GAS7: variants seen among roughly 807,000 people sequenced by gnomAD.
The protein encoded by GAS7 is growth arrest-specific protein 7.
In GAS7, 28 loss-of-function variants were observed where a neutral mutation model predicts 71.1. That is an observed-to-expected ratio of 0.39 (90% CI 0.29 to 0.54). The LOEUF is 0.54. Among genes scored for constraint, GAS7 ranks in the 20% least tolerant of loss-of-function variants. The pLI is 0.62. For synonymous variants in GAS7, 258 were observed against 245.8 expected (o/e 1.05, Z -0.46); for missense variants, 436 against 627.8 (o/e 0.69, Z 3.27).
intron 2 of GAS7, among the ~76,000 whole-genome samples, chr17:10,009,318 C>CAA (rs541133967): frequency 0.068 from 5,365 of 78,482 alleles, 604 homozygotes; most frequent in African/African-American, 0.23. Context: ...GAGACTCCGT[C>CAA]AAAAAAAAAA....
chr17:10,185,698 C>T (rs1489819420), intron 1 of GAS7, among the ~76,000 whole-genome samples: 1 of 152,120 alleles, frequency 6.6e-6, no homozygotes, highest in Non-Finnish European at 1.5e-5. Flanking sequence ...TGTGGGACTG[C>T]GCTCTCAGCC....
intron 2 of GAS7, among the ~76,000 whole-genome samples, chr17:10,012,319 G>A (rs1282489846): frequency 1.8e-4 from 28 of 152,258 alleles, no homozygotes; most frequent in Non-Finnish European, 4.4e-5. Context: ...ACAGTGGCTT[G>A]CTCTGTCACC....
intron 1 of GAS7, among the ~76,000 whole-genome samples, chr17:10,163,872 G>A (rs989208449): frequency 3.9e-5 from 6 of 152,212 alleles, no homozygotes; most frequent in African/African-American, 1.4e-4. Context: ...CAAATTCAAA[G>A]CACTTTGCTC....
intron 1 of GAS7, among the ~76,000 whole-genome samples, chr17:10,164,686 T>C (rs1465310341): frequency 2.1e-5 from 3 of 143,888 alleles, no homozygotes; most frequent in African/African-American, 5.2e-5. Context: ...TCTTTAAAAA[T>C]GAAAAAAAAA....
intron 1 of GAS7, among the ~76,000 whole-genome samples, chr17:10,124,700 C>T (rs1397010826): frequency 4.6e-5 from 7 of 152,124 alleles, no homozygotes; most frequent in East Asian, 3.9e-4. Flanking sequence ...ATGTGGATCA[C>T]CTAAGGTCGG....
chr17:9,946,036 T>C (rs545347738), intron 6 of GAS7, among the ~76,000 whole-genome samples: 1 of 152,314 alleles, frequency 6.6e-6, no homozygotes, highest in Admixed American at 6.5e-5. Flanking sequence ...ACTTATTTAT[T>C]GTTCCTTGGA....
At chr17:10,077,793 G>T (rs2073411345) in intron 1 of GAS7, among the ~76,000 whole-genome samples, 1 of 152,146 alleles carries the variant, frequency 6.6e-6, no homozygotes, top group Admixed American at 6.6e-5. Context: ...CTACTGCAGG[G>T]TGTGATCCAA....
intron 4 of GAS7, among the ~76,000 whole-genome samples, chr17:9,962,281 T>C (rs1027049401): frequency 3.1e-4 from 45 of 144,322 alleles, no homozygotes; most frequent in African/African-American, 1.3e-3. Context: ...ACACACACAC[T>C]ATCATAATTC....
intron 1 of GAS7, among the ~76,000 whole-genome samples, chr17:10,134,089 G>A (rs2074019765): frequency 6.6e-6 from 1 of 151,780 alleles, no homozygotes; most frequent in Admixed American, 6.6e-5. Context: ...GGAGTCCAGT[G>A]GCGCGATCTC....
chr17:10,051,627 A>G (rs2073064011), intron 1 of GAS7, among the ~76,000 whole-genome samples: 1 of 152,162 alleles, frequency 6.6e-6, no homozygotes, highest in Admixed American at 6.5e-5. Context: ...CAACCATACA[A>G]AGCTGCTGGG....
At chr17:10,044,076 G>A (rs959800787) in intron 1 of GAS7, among the ~76,000 whole-genome samples, 8 of 152,214 alleles carry the variant, frequency 5.3e-5, no homozygotes, top group African/African-American at 1.9e-4. Context: ...GTCAGTCTAC[G>A]GTACCTGACA....
At chr17:10,032,272 T>C (rs147439872) in intron 1 of GAS7, among the ~76,000 whole-genome samples, 1 of 152,332 alleles carries the variant, frequency 6.6e-6, no homozygotes, top group African/African-American at 2.4e-5. Context: ...CCTGAATGAC[T>C]GTGCTCGCTG....
chr17:10,088,066 C>T (rs1001898171), intron 1 of GAS7, among the ~76,000 whole-genome samples: 1 of 151,814 alleles, frequency 6.6e-6, no homozygotes, highest in Non-Finnish European at 1.5e-5. Flanking sequence ...ACTAAAAACA[C>T]AAAAATTAGC....
chr17:10,053,545 C>A (rs1246163301), intron 1 of GAS7, among the ~76,000 whole-genome samples: 3 of 152,170 alleles, frequency 2.0e-5, no homozygotes, highest in African/African-American at 7.2e-5. Context: ...CACACACCAC[C>A]AGCCCCATGG....
rs762381536 is a variant in GAS7 at position 9,934,262 on chromosome 17, T to C, written c.807-18A>G. 2 of 1,564,702 alleles carry C rather than the reference T, an allele frequency of 1.3e-6. No homozygotes were observed. Among genetic ancestry groups the C allele is most frequent in the South Asian group, 2.2e-5 (2 of 89,110 alleles). On this transcript the variant is annotated intron_variant, in intron 8 of 13. Coordinates refer to ENST00000432992, the MANE Select transcript of GAS7 (RefSeq NM_201433.2). ...CCAAGGAGCTGCAACACAAAGACCATGAGACTCAGGTCACAAGCCAAAGCC... is the reference window on the plus strand; with the variant it reads ...CCAAGGAGCTGCAACACAAAGACCACGAGACTCAGGTCACAAGCCAAAGCC...
intron 9 of GAS7, among the ~76,000 whole-genome samples, chr17:9,931,698 G>T (rs2068213862): frequency 6.6e-6 from 1 of 152,220 alleles, no homozygotes; most frequent in Admixed American, 6.5e-5. Flanking sequence ...ATTTTCTACT[G>T]AAGCGCTTGG....
chr17:9,965,533 G>C (rs2069671556), intron 4 of GAS7, among the ~76,000 whole-genome samples: 1 of 152,126 alleles, frequency 6.6e-6, no homozygotes, highest in African/African-American at 2.4e-5. Context: ...ATAAGAGGAG[G>C]GAGAGCATTA....
At position 10,005,062 on chromosome 17, in the gene GAS7, TGTGTATGCACGCATACATGC is replaced by T. The variant is rs535050897; in HGVS notation, c.304+14695_304+14714del. Among the ~76,000 whole-genome samples, 1,143 of 143,474 alleles carry T rather than the reference TGTGTATGCACGCATACATGC, an allele frequency of 8.0e-3. 41 individuals carry two copies. In the East Asian group the frequency reaches 0.085, roughly 11 times the overall value. 94.1% of individuals were successfully genotyped at this position (143,474 alleles called of 152,430 possible). On this transcript the variant is annotated intron_variant, in intron 2 of 13. Transcript: ENST00000432992. ...ACATACATATATATACACATATATG[TGTGTATGCACGCATACATGC>T]GTGTGTGCACGCATACATGCATGTG...
chr17:10,188,473 C>T (rs1388755399), intron 1 of GAS7, among the ~76,000 whole-genome samples: 2 of 152,138 alleles, frequency 1.3e-5, no homozygotes, highest in East Asian at 1.9e-4. Flanking sequence ...TTGTACAGTG[C>T]CAAATGGTCC....
Sources: allele counts gnomAD v4.1 joint callset (sites outside exome capture counted in the v4.1 genomes callset), GRCh38; gene constraint gnomAD v4.1.1; transcripts MANE v1.5; gene names NCBI Gene and HGNC (gene_info 2026-07-23, HGNC 2026-07-21).